The following DCAF6 variants were observed in gnomAD, a reference collection of about 807,000 sequenced individuals.
DCAF6 encodes DDB1 and CUL4 associated factor 6.
In DCAF6, 54 loss-of-function variants were observed where a neutral mutation model predicts 125.1. The observed-to-expected ratio is 0.43, with a 90% CI of 0.35 to 0.54. The LOEUF (loss-of-function observed/expected upper bound fraction) is 0.54, where lower values mean the gene tolerates loss of function less well. Among genes scored for constraint, DCAF6 ranks in the 20% least tolerant of loss-of-function variants. The pLI, the probability that DCAF6 is intolerant of heterozygous loss-of-function variation, is 0.01. For synonymous variants in DCAF6, 371 were observed against 390.4 expected (o/e 0.95, Z 0.58); for missense variants, 934 against 1,161.7 (o/e 0.80, Z 2.85).
chr1:168,072,395 A>G (rs1693224404), intron 21 of DCAF6, among the ~76,000 whole-genome samples: 1 of 147,920 alleles, frequency 6.8e-6, no homozygotes, highest in Non-Finnish European at 1.5e-5. Context: ...CTTCCCTCTC[A>G]CTTAGTCATT....
At chr1:167,973,589 AT>A (rs998900031) in intron 3 of DCAF6, among the ~76,000 whole-genome samples, 2 of 152,040 alleles carry the variant, frequency 1.3e-5, no homozygotes, top group African/African-American at 4.8e-5. Context: ...CACCTTAAAC[AT>A]TTTTTTAATT....
In DCAF6 at chr1:168,036,712, A is replaced by G. The variant is rs529066720; in HGVS notation, c.1610-1659A>G. On this transcript the variant is annotated intron_variant, in intron 12 of 21. Coordinates refer to ENST00000367840, the MANE Select transcript of DCAF6 (RefSeq NM_001198956.2). ...ATACATTTCTGTAAGCTAAAGGTCT[A>G]TTAATTCAGTTATTTATCAGAATGC... Among the ~76,000 whole-genome samples, 88 of 143,536 alleles carry G rather than the reference A, an allele frequency of 6.1e-4. 1 individual carries two copies. Among genetic ancestry groups the G allele is most frequent in the Non-Finnish European group, 4.1e-4 (28 of 67,938 alleles). The allele number at this position is 143,536 out of a possible 152,430, so 94.2% of individuals were successfully genotyped here.
At chr1:168,018,333 T>G (rs1685240512) in intron 11 of DCAF6, among the ~76,000 whole-genome samples, 1 of 152,240 alleles carries the variant, frequency 6.6e-6, no homozygotes, top group South Asian at 2.1e-4. Flanking sequence ...TAAAATGAGC[T>G]GTATAAAATA....
At position 168,056,533 on chromosome 1, in the gene DCAF6, A is replaced by G. The variant is rs932543928; in HGVS notation, c.2300+5600A>G. 6.6e-6 allele frequency: 3 copies of G among 456,138 alleles called. 1 individual carries two copies. The highest frequency in any genetic ancestry group is 1.0e-5 in the Non-Finnish European group (3 of 294,168). The allele number at this position is 456,138 out of a possible 1,614,324, so 28.3% of individuals were successfully genotyped here. A position where few individuals can be genotyped will look rare whatever the true frequency, so the allele number is the denominator to read the frequency against. Reference sequence around the variant, plus strand: ...TTAATAATAAATTCACACTCAATTTATTTTTGAATGGAATAATTTAATTAC... The same window carrying G: ...TTAATAATAAATTCACACTCAATTTGTTTTTGAATGGAATAATTTAATTAC... On this transcript the variant is annotated intron_variant, in intron 17 of 21. Coordinates refer to ENST00000367840, the MANE Select transcript of DCAF6 (RefSeq NM_001198956.2).
the DCAF6 span, among the ~76,000 whole-genome samples, chr1:167,905,920 A>G: frequency 1.3e-5 from 2 of 152,246 alleles, no homozygotes; most frequent in African/African-American, 2.4e-5. Context: ...TGTAAAAATC[A>G]TGCTCTACCA....
the DCAF6 span, among the ~76,000 whole-genome samples, chr1:167,866,750 TAAAAA>T: frequency 2.4e-5 from 3 of 123,098 alleles, no homozygotes; most frequent in Non-Finnish European, 5.3e-5. Context: ...AAAGTTCACT[TAAAAA>T]AAAAAAAAAA....
rs950332796 is a variant in DCAF6, at chr1:168,054,851, C to G, written c.2300+3918C>G. On this transcript the variant is annotated intron_variant, in intron 17 of 21. Coordinates refer to ENST00000367840, the MANE Select transcript of DCAF6 (RefSeq NM_001198956.2). ...TTTTTTTTTGAGACGGAGTCTCACT[C>G]TGTTGCCCAGGCTGCAGTGCAGTGG... is the stretch of plus-strand genomic sequence containing the variant. Among the ~76,000 whole-genome samples, 5 of 147,276 alleles carry G rather than the reference C, an allele frequency of 3.4e-5. No individual in the cohort carries two copies. The Admixed American group carries it at 3.5e-4, about 10-fold the overall frequency.
At chr1:167,937,506 T>G (rs568219342) in intron 1 of DCAF6, among the ~76,000 whole-genome samples, 2 of 152,148 alleles carry the variant, frequency 1.3e-5, no homozygotes, top group African/African-American at 4.8e-5. Flanking sequence ...GTAAACTGTT[T>G]TTGCGGCGCT....
chr1:167,914,713 T>C, the DCAF6 span, among the ~76,000 whole-genome samples: 1 of 152,224 alleles, frequency 6.6e-6, no homozygotes, highest in Admixed American at 6.5e-5. Context: ...ACAGCTTAAA[T>C]CATGTGTTGA....
the DCAF6 span, chr1:167,920,184 T>C: frequency 2.5e-6 from 2 of 792,004 alleles, no homozygotes; most frequent in East Asian, 2.6e-5. Flanking sequence ...ACAACAATAA[T>C]GTAGGATGAG....
At chr1:168,040,799 A>T (rs1306278684) in intron 13 of DCAF6, among the ~76,000 whole-genome samples, 3 of 149,674 alleles carry the variant, frequency 2.0e-5, no homozygotes, top group Non-Finnish European at 4.4e-5. Context: ...CTGACCATGA[A>T]TTATATTCTC....
At chr1:167,873,236 CCTT>C in the DCAF6 span, among the ~76,000 whole-genome samples, 1 of 151,966 alleles carries the variant, frequency 6.6e-6, no homozygotes, top group East Asian at 1.9e-4. Context: ...AGTGGGTATT[CCTT>C]CTCTCTAGCT....
intron 12 of DCAF6, among the ~76,000 whole-genome samples, chr1:168,032,789 C>A (rs1482843791): frequency 2.6e-5 from 4 of 152,026 alleles, no homozygotes; most frequent in Non-Finnish European, 1.5e-5. Context: ...ATAATAGGGA[C>A]CCAACAGCAG....
the DCAF6 span, chr1:167,920,535 T>C: frequency 6.2e-7 from 1 of 1,611,236 alleles, no homozygotes; most frequent in Non-Finnish European, 8.5e-7. Context: ...AGAAGATATT[T>C]ATTTAATTTA....
At chr1:168,012,148 G>C (rs1684383496) in intron 10 of DCAF6, among the ~76,000 whole-genome samples, 1 of 152,120 alleles carries the variant, frequency 6.6e-6, no homozygotes, top group Non-Finnish European at 1.5e-5. Context: ...GGGACTAGAA[G>C]ACAGATTTAT....
chr1:167,880,227 A>G, the DCAF6 span: 13 of 1,557,830 alleles, frequency 8.3e-6, no homozygotes, highest in Admixed American at 6.8e-5. Flanking sequence ...GGGGAAAGAA[A>G]TAAAGATAAT....
At chr1:168,043,773 A>G (rs184627847) in intron 14 of DCAF6, among the ~76,000 whole-genome samples, 21 of 152,300 alleles carry the variant, frequency 1.4e-4, no homozygotes, top group African/African-American at 3.6e-4. Context: ...CTGGTAAGCA[A>G]ATGTCCAGTA....
Position 168,075,504 on chromosome 1 carries a change from T to G in DCAF6, c.*69T>G. The G allele has an allele frequency of 7.2e-7, 1 of 1,379,702 alleles. No individual in the cohort carries two copies. The highest frequency in any genetic ancestry group is 9.8e-7 in the Non-Finnish European group (1 of 1,025,302). 85.5% of individuals were successfully genotyped at this position (1,379,702 alleles called of 1,614,324 possible). ...AAGACATTTATTATATTTTTTTCTT[T>G]ACAGAGCTTTAGTGCAATTTTAAGG... On this transcript the variant is annotated 3_prime_UTR_variant, in exon 22 of 22. Coordinates refer to ENST00000367840, the MANE Select transcript of DCAF6 (RefSeq NM_001198956.2).
At chr1:167,921,040 T>C in the DCAF6 span, among the ~76,000 whole-genome samples, 3 of 152,308 alleles carry the variant, frequency 2.0e-5, no homozygotes, top group African/African-American at 7.2e-5. Context: ...GTCATTTGTA[T>C]AGATTCTTCC....
Sources: gnomAD v4.1 joint callset for allele counts (sites outside exome capture counted in the v4.1 genomes callset) on GRCh38, gnomAD v4.1.1 for gene constraint, MANE v1.5 for transcripts, NCBI Gene and HGNC (gene_info 2026-07-23, HGNC 2026-07-21) for gene names.